PIBF1: variants seen among roughly 807,000 people sequenced by gnomAD.
The protein encoded by PIBF1 is progesterone immunomodulatory binding factor 1.
A neutral mutation model predicts 112.5 loss-of-function variants in PIBF1; 90 were observed. That is an observed-to-expected ratio of 0.80 (90% CI 0.67 to 0.95). The LOEUF is 0.95. Among genes scored for constraint, PIBF1 ranks in the 40% least tolerant of loss-of-function variants. The pLI, the probability that PIBF1 is intolerant of heterozygous loss-of-function variation, is 0.00. For missense variants in PIBF1, 915 were observed against 852.3 expected, an observed-to-expected ratio of 1.07 and a Z score of -0.92; for synonymous variants, 301 against 288.6, an observed-to-expected ratio of 1.04 and a Z score of -0.44.
At chr13:73,008,653 T>G (rs1390327667) in intron 17 of PIBF1, among the ~76,000 whole-genome samples, 2 of 152,020 alleles carry the variant, frequency 1.3e-5, no homozygotes, top group Non-Finnish European at 2.9e-5. Context: ...AAAAATAAAT[T>G]GAATAAGATG....
chr13:72,875,545 C>T (rs1027221209), intron 10 of PIBF1, among the ~76,000 whole-genome samples: 2 of 152,112 alleles, frequency 1.3e-5, no homozygotes, highest in Non-Finnish European at 2.9e-5. Flanking sequence ...TATCGGTATG[C>T]ATCTCCACCA....
chr13:72,927,994 C>CATATAT (rs1555316933), intron 13 of PIBF1, among the ~76,000 whole-genome samples: 4 of 79,946 alleles, frequency 5.0e-5, no homozygotes, highest in Non-Finnish European at 9.0e-5. Context: ...TATATACACA[C>CATATAT]ACATATATAT....
intron 11 of PIBF1, among the ~76,000 whole-genome samples, chr13:72,901,538 A>G (rs2040485109): frequency 6.6e-6 from 1 of 152,166 alleles, no homozygotes. Context: ...ATAAAAAATT[A>G]GCCAGGCATG....
intron 2 of PIBF1, among the ~76,000 whole-genome samples, chr13:72,785,531 A>G (rs1020489097): frequency 6.6e-6 from 1 of 152,186 alleles, no homozygotes; most frequent in African/African-American, 2.4e-5. Flanking sequence ...CAAACCTAGG[A>G]AGTCTAAAGC....
chr13:73,007,007 T>C (rs2044051328), intron 17 of PIBF1, among the ~76,000 whole-genome samples: 1 of 151,032 alleles, frequency 6.6e-6, no homozygotes, highest in African/African-American at 2.4e-5. Context: ...TGTATACATA[T>C]ATATATATAT....
chr13:72,993,663 G>A (rs960829062), intron 16 of PIBF1, among the ~76,000 whole-genome samples: 16 of 149,130 alleles, frequency 1.1e-4, no homozygotes, highest in African/African-American at 3.7e-4. Flanking sequence ...GGGGAATGGC[G>A]TGAACCCAGG....
intron 17 of PIBF1, among the ~76,000 whole-genome samples, chr13:73,010,987 C>T (rs900136566): frequency 6.6e-6 from 1 of 151,472 alleles, no homozygotes; most frequent in African/African-American, 2.4e-5. Context: ...CCACCACACC[C>T]GGCTAATTTT....
chr13:73,002,265 G>A (rs2043894464), intron 17 of PIBF1, among the ~76,000 whole-genome samples: 1 of 152,142 alleles, frequency 6.6e-6, no homozygotes, highest in Non-Finnish European at 1.5e-5. Flanking sequence ...ACTGGGTGGG[G>A]AACTTTAATG....
At chr13:72,789,358 T>A (rs185936068) in intron 2 of PIBF1, among the ~76,000 whole-genome samples, 4,108 of 152,164 alleles carry the variant, frequency 0.027, 73 homozygotes, top group Non-Finnish European at 0.041. Context: ...CTAATTTTTT[T>A]AATTTTTTTG....
chr13:72,928,152 C>T (rs948782775), intron 13 of PIBF1, among the ~76,000 whole-genome samples: 1 of 150,550 alleles, frequency 6.6e-6, no homozygotes, highest in African/African-American at 2.4e-5. Flanking sequence ...ACCATGTTGT[C>T]TTCTACATTA....
At chr13:72,868,984 G>A (rs2039043080) in intron 10 of PIBF1, among the ~76,000 whole-genome samples, 1 of 152,260 alleles carries the variant, frequency 6.6e-6, no homozygotes, top group Non-Finnish European at 1.5e-5. Flanking sequence ...TGGAGAGGAT[G>A]TGGAGAAATA....
intron 14 of PIBF1, among the ~76,000 whole-genome samples, chr13:72,937,101 G>A (rs566064971): frequency 5.3e-5 from 8 of 151,642 alleles, no homozygotes; most frequent in African/African-American, 7.3e-5. Context: ...CTTTTAACCC[G>A]TCTGACAAAA....
chr13:72,920,059 A>C (rs1010407016), intron 13 of PIBF1, among the ~76,000 whole-genome samples: 6 of 152,224 alleles, frequency 3.9e-5, no homozygotes, highest in African/African-American at 1.2e-4. Context: ...TCAGAATCAC[A>C]AACAATTATT....
At chr13:72,828,208 G>C (rs2036912771) in intron 8 of PIBF1, among the ~76,000 whole-genome samples, 1 of 150,770 alleles carries the variant, frequency 6.6e-6, no homozygotes, top group South Asian at 2.1e-4. Flanking sequence ...GTATCCATTA[G>C]GATAATTTGG....
chr13:72,947,043 G>C (rs572965154), intron 14 of PIBF1, among the ~76,000 whole-genome samples: 1 of 152,186 alleles, frequency 6.6e-6, no homozygotes, highest in Non-Finnish European at 1.5e-5. Flanking sequence ...TTTCCCTTCC[G>C]CACTGCCCTA....
At chr13:72,945,122 A>G (rs12429322) in intron 14 of PIBF1, among the ~76,000 whole-genome samples, 29,846 of 151,884 alleles carry the variant, frequency 0.2, 3,063 homozygotes, top group Middle Eastern at 0.27. Context: ...TTTAGTTCCC[A>G]CTTATAAGTA....
chr13:72,958,878 G>A (rs984918853), intron 14 of PIBF1, among the ~76,000 whole-genome samples: 10 of 152,154 alleles, frequency 6.6e-5, no homozygotes, highest in African/African-American at 2.4e-4. Flanking sequence ...CACTAGGACT[G>A]TATTCTTCAA....
At chr13:72,890,450 C>G (rs977308258) in intron 10 of PIBF1, among the ~76,000 whole-genome samples, 1 of 152,050 alleles carries the variant, frequency 6.6e-6, no homozygotes, top group African/African-American at 2.4e-5. Flanking sequence ...CAGTTCTAGT[C>G]CTTTCTGTTA....
At chr13:72,968,856 CA>C in intron 15 of PIBF1, among the ~76,000 whole-genome samples, 1 of 151,776 alleles carries the variant, frequency 6.6e-6, no homozygotes, top group South Asian at 2.1e-4. Flanking sequence ...ATGGCAAAAC[CA>C]TGTTTGGTTT....
Sources: gnomAD v4.1 joint callset for allele counts (sites outside exome capture counted in the v4.1 genomes callset) on GRCh38, gnomAD v4.1.1 for gene constraint, MANE v1.5 for transcripts, NCBI Gene and HGNC (gene_info 2026-07-23, HGNC 2026-07-21) for gene names.